The following GLDC variants were observed in gnomAD, a reference collection of about 807,000 sequenced individuals.
GLDC encodes glycine decarboxylase.
GLDC carries 104 observed loss-of-function variants against 121.3 expected under a neutral mutation model. The ratio of observed to expected loss-of-function variants is 0.86; its 90% confidence interval spans 0.73 to 1.01. The LOEUF is 1.01. GLDC is among the 50% of genes least tolerant of loss of function. The pLI, the probability that GLDC is intolerant of heterozygous loss-of-function variation, is 0.00. For synonymous variants in GLDC, 546 were observed against 480.6 expected (o/e 1.14, Z -1.78); for missense variants, 1,429 against 1,306.6 (o/e 1.09, Z -1.44).
At chr9:6,588,918 G>GGTTGGGAAGAAGAGGATATA (rs371265299) in intron 12 of GLDC, among the ~76,000 whole-genome samples, 9 of 152,292 alleles carry the variant, frequency 5.9e-5, no homozygotes, top group African/African-American at 2.2e-4. Flanking sequence ...ATGAGTTGAA[G>GGTTGGGAAGAAGAGGATATA]GTTGGGAAGA....
chr9:6,574,998 C>A (rs1818036055), intron 15 of GLDC, among the ~76,000 whole-genome samples: 1 of 152,112 alleles, frequency 6.6e-6, no homozygotes, highest in Admixed American at 6.6e-5. Flanking sequence ...TGCTCTCCAA[C>A]CCAGTGATGC....
chr9:6,629,957 A>ATTTTTTTT (rs60203144), intron 2 of GLDC, among the ~76,000 whole-genome samples: 3 of 83,100 alleles, frequency 3.6e-5, no homozygotes, highest in African/African-American at 6.9e-5. Flanking sequence ...ATATATATAT[A>ATTTTTTTT]TTTTTTTTTT....
intron 8 of GLDC, among the ~76,000 whole-genome samples, chr9:6,599,331 C>T (rs1170740449): frequency 6.6e-6 from 1 of 152,038 alleles, no homozygotes. Flanking sequence ...TGAGGAGAAA[C>T]AGCAAGACAG....
intron 16 of GLDC, among the ~76,000 whole-genome samples, chr9:6,559,447 G>A (rs952828872): frequency 6.6e-6 from 1 of 150,662 alleles, no homozygotes; most frequent in Admixed American, 6.6e-5. Flanking sequence ...ACCAGGAGGT[G>A]TAGGTTGCGG....
chr9:6,538,751 G>T (rs143932017), intron 22 of GLDC, among the ~76,000 whole-genome samples: 3 of 152,230 alleles, frequency 2.0e-5, no homozygotes, highest in Non-Finnish European at 4.4e-5. Flanking sequence ...GTTGCAGTTA[G>T]ATGTGTGAAG....
chr9:6,601,731 C>T (rs960203616), intron 8 of GLDC, among the ~76,000 whole-genome samples: 51 of 151,972 alleles, frequency 3.4e-4, no homozygotes, highest in African/African-American at 1.2e-3. Flanking sequence ...TTCTGGTGAT[C>T]CTCCCACCTG....
At chr9:6,621,505 C>T (rs78246722) in intron 2 of GLDC, among the ~76,000 whole-genome samples, 105 of 152,124 alleles carry the variant, frequency 6.9e-4, no homozygotes, top group African/African-American at 2.4e-3. Flanking sequence ...ATGGACAGCT[C>T]TTATACTGAA....
At chr9:6,572,059 A>T (rs1481464338) in intron 15 of GLDC, among the ~76,000 whole-genome samples, 1 of 152,256 alleles carries the variant, frequency 6.6e-6, no homozygotes, top group Non-Finnish European at 1.5e-5. Flanking sequence ...CATGGACTTA[A>T]ATGTAAAACA....
chr9:6,611,327 G>A (rs1488560320), intron 3 of GLDC, among the ~76,000 whole-genome samples: 1 of 152,192 alleles, frequency 6.6e-6, no homozygotes, highest in African/African-American at 2.4e-5. Context: ...GGAGGTCAAG[G>A]CGGGCGGATC....
At chr9:6,543,549 C>T (rs1383588266) in intron 21 of GLDC, among the ~76,000 whole-genome samples, 1 of 152,218 alleles carries the variant, frequency 6.6e-6, no homozygotes, top group Non-Finnish European at 1.5e-5. Context: ...TTAGGAAGAG[C>T]TCCATTTTCT....
chr9:6,592,720 C>CT lies in GLDC; in HGVS notation c.1401+130dup. 3.7e-6 allele frequency: 3 copies of CT among 807,984 alleles called. No homozygotes were observed. The South Asian group carries it at 5.0e-5, about 13-fold the overall frequency. The allele number at this position is 807,984 out of a possible 1,614,324, so 50.1% of individuals were successfully genotyped here. On this transcript the variant is annotated intron_variant, in intron 10 of 24. Coordinates refer to ENST00000321612, the MANE Select transcript of GLDC (RefSeq NM_000170.3). Reference sequence around the variant, plus strand: ...ACAGTGTTGCATAATGTAAATAACACTTGTTTATGAAAAAATAGGACTGTG... The same window carrying CT: ...ACAGTGTTGCATAATGTAAATAACACTTTGTTTATGAAAAAATAGGACTGTG...
At chr9:6,619,143 A>G (rs1166576670) in intron 3 of GLDC, among the ~76,000 whole-genome samples, 4 of 92,876 alleles carry the variant, frequency 4.3e-5, no homozygotes, top group Non-Finnish European at 6.0e-5. Context: ...ACTCTGTCTC[A>G]GGCAAAAAAA....
chr9:6,594,939 A>G (rs539306490), intron 9 of GLDC, 75 bp downstream of exon 9: 29 of 875,318 alleles, frequency 3.3e-5, no homozygotes, highest in South Asian at 2.6e-4. Flanking sequence ...AGTATTGGAC[A>G]TGCAATATTT....
intron 7 of GLDC, among the ~76,000 whole-genome samples, chr9:6,604,351 T>C (rs1040799135): frequency 2.0e-5 from 3 of 152,204 alleles, no homozygotes; most frequent in Non-Finnish European, 4.4e-5. Flanking sequence ...ATGCGTTACA[T>C]GACTTCGATA....
chr9:6,577,139 G>A (rs375083092), intron 15 of GLDC, among the ~76,000 whole-genome samples: 1 of 152,258 alleles, frequency 6.6e-6, no homozygotes, highest in East Asian at 1.9e-4. Context: ...GAAAGGCACA[G>A]CAGCAAGGAT....
At chr9:6,630,756 C>G (rs1190158080) in intron 2 of GLDC, among the ~76,000 whole-genome samples, 1 of 152,110 alleles carries the variant, frequency 6.6e-6, no homozygotes, top group Middle Eastern at 3.2e-3. Flanking sequence ...CATGGCAGGA[C>G]TTTCTCATCT....
intron 22 of GLDC, among the ~76,000 whole-genome samples, chr9:6,538,199 G>C (rs777390469): frequency 4.6e-5 from 7 of 151,604 alleles, no homozygotes; most frequent in Non-Finnish European, 1.0e-4. Flanking sequence ...AACATATCCT[G>C]CTGTAGTGGT....
intron 16 of GLDC, among the ~76,000 whole-genome samples, chr9:6,563,482 A>C (rs1817796811): frequency 1.3e-5 from 2 of 152,316 alleles, no homozygotes; most frequent in African/African-American, 4.8e-5. Context: ...GTGGTGAAAG[A>C]TACTAATGAA....
At chr9:6,574,906 G>A (rs768937791) in intron 15 of GLDC, among the ~76,000 whole-genome samples, 4 of 152,076 alleles carry the variant, frequency 2.6e-5, no homozygotes, top group Non-Finnish European at 5.9e-5. Flanking sequence ...GACCCTCCCT[G>A]CACTAAATTA....
Sources: gnomAD v4.1 joint callset for allele counts (sites outside exome capture counted in the v4.1 genomes callset) on GRCh38, gnomAD v4.1.1 for gene constraint, MANE v1.5 for transcripts, NCBI Gene and HGNC (gene_info 2026-07-23, HGNC 2026-07-21) for gene names.